The following ABI3BP variants were observed in gnomAD, a reference collection of about 807,000 sequenced individuals.
ABI3BP encodes the protein target of Nesh-SH3.
Under a neutral mutation model 268.6 loss-of-function variants are expected in ABI3BP, and 216 were observed. The ratio of observed to expected loss-of-function variants is 0.80; its 90% CI spans 0.72 to 0.90. The LOEUF is 0.90. Ranked by LOEUF, ABI3BP falls within the 40% of genes least tolerant of loss-of-function variation. ABI3BP has a pLI of 0.00. For missense variants in ABI3BP, 2,090 were observed against 2,182.4 expected (o/e 0.96, Z 0.84); for synonymous variants, 730 against 730.0 (o/e 1.00, Z 0.00).
chr3:100,838,511 CTGTCAAAATTA>C, intron 24 of ABI3BP, 47 bp from the exon 25 acceptor site: 1 of 1,422,928 alleles, frequency 7.0e-7, no homozygotes, highest in Non-Finnish European at 9.6e-7. Flanking sequence ...ATGGCTGTGA[CTGTCAAAATTA>C]AGGACAATTA....
At chr3:100,889,840 T>A (rs2043697488) in intron 4 of ABI3BP, among the ~76,000 whole-genome samples, 1 of 152,080 alleles carries the variant, frequency 6.6e-6, no homozygotes, top group African/African-American at 2.4e-5. Context: ...GAAAGGCAGG[T>A]AGTAGCTTGA....
chr3:100,891,970 A>C (rs2044903994), intron 4 of ABI3BP, among the ~76,000 whole-genome samples: 1 of 152,182 alleles, frequency 6.6e-6, no homozygotes, highest in African/African-American at 2.4e-5. Flanking sequence ...GAAGCTGAGA[A>C]ATGGACACGC....
At chr3:100,898,095 T>C (rs894073691) in intron 4 of ABI3BP, among the ~76,000 whole-genome samples, 1 of 152,226 alleles carries the variant, frequency 6.6e-6, no homozygotes, top group Non-Finnish European at 1.5e-5. Flanking sequence ...TTTAAAAATA[T>C]ACTTAGATTT....
At chr3:100,765,065 A>G (rs1172194460) in intron 63 of ABI3BP, among the ~76,000 whole-genome samples, 1 of 151,674 alleles carries the variant, frequency 6.6e-6, no homozygotes, top group Non-Finnish European at 1.5e-5. Flanking sequence ...ACTATCAATA[A>G]CTAATTCAAT....
At chr3:100,783,824 G>T (rs889155078) in intron 57 of ABI3BP, among the ~76,000 whole-genome samples, 1 of 152,172 alleles carries the variant, frequency 6.6e-6, no homozygotes, top group Non-Finnish European at 1.5e-5. Context: ...ACAGAAACAG[G>T]CAGTGAGCCA....
In ABI3BP at chr3:100,825,863, CA is replaced by C; in HGVS notation, c.2603-20del. 6.6e-7 allele frequency: 1 copy of C among 1,516,206 alleles called. No homozygotes were observed. Among genetic ancestry groups the C allele is most frequent in the Non-Finnish European group, 8.9e-7 (1 of 1,129,024 alleles). 93.9% of individuals were successfully genotyped at this position (1,516,206 alleles called of 1,614,324 possible). A position where few individuals can be genotyped will look rare whatever the true frequency, so the allele number is the denominator to read the frequency against. On this transcript the variant is annotated intron_variant, in intron 34 of 67. Coordinates refer to ENST00000471714, the MANE Select transcript of ABI3BP (RefSeq NM_001375547.2). ...ACAGGAACTGAAGTAATAAGATAAA[CA>C]AAAGAGATGGTAAAAAATGTGTGGG... is the stretch of plus-strand genomic sequence containing the variant.
intron 6 of ABI3BP, among the ~76,000 whole-genome samples, chr3:100,878,225 A>G (rs1270175830): frequency 6.6e-6 from 1 of 152,226 alleles, no homozygotes; most frequent in Non-Finnish European, 1.5e-5. Context: ...CAGAATATAA[A>G]TAAGTACCAA....
rs191960195 is a variant in ABI3BP at position 100,876,556 on chromosome 3, G to A, written c.701C>T (p.Ala234Val). 281 of 1,613,076 alleles carry A rather than the reference G, an allele frequency of 1.7e-4. No individual in the cohort carries two copies. The highest frequency in any genetic ancestry group is 2.3e-4 in the Non-Finnish European group (277 of 1,179,400). The change falls in exon 7 of 68, where the codon GCA (alanine) becomes GTA (valine). Residue 234 changes from alanine to valine, a missense_variant. Coordinates refer to ENST00000471714, the MANE Select transcript of ABI3BP (RefSeq NM_001375547.2). ...TGGGATTAGTTTCCTTGGGACATAT[G>A]CTGGCTGCAAAGAGAAGAAGAAAGT... Reference protein sequence around the residue: ...STYDQDHTVPAYVPRKLIPIT... With the variant: ...STYDQDHTVPVYVPRKLIPIT...
In ABI3BP at chr3:100,804,781, A is replaced by C; in HGVS notation, c.3757+11T>G. 6.2e-7 allele frequency: 1 copy of C among 1,611,886 alleles called. No individual in the cohort carries two copies. The highest frequency in any genetic ancestry group is 8.5e-7 in the Non-Finnish European group (1 of 1,178,168). On this transcript the variant is annotated intron_variant, in intron 51 of 67. Transcript: ENST00000471714. ...AATGCATTTGGCTTAAACATGAAATAAAGCATTTACCAGGTGTGGTGTATG... is the reference window on the plus strand; with the variant it reads ...AATGCATTTGGCTTAAACATGAAATCAAGCATTTACCAGGTGTGGTGTATG...
chr3:100,790,568 T>C (rs2097171792), intron 55 of ABI3BP, among the ~76,000 whole-genome samples: 1 of 152,016 alleles, frequency 6.6e-6, no homozygotes, highest in Non-Finnish European at 1.5e-5. Flanking sequence ...AAGACTGTGA[T>C]GAGCAGAATT....
intron 43 of ABI3BP, 130 bp from the exon 44 acceptor site, chr3:100,816,101 A>C: frequency 1.5e-6 from 1 of 674,106 alleles, no homozygotes; most frequent in Non-Finnish European, 2.4e-6. Flanking sequence ...GATAGGCAGC[A>C]TATAGTTGCT....
At chr3:100,962,445 G>A (rs1342241864) in intron 1 of ABI3BP, among the ~76,000 whole-genome samples, 1 of 151,586 alleles carries the variant, frequency 6.6e-6, no homozygotes, top group Admixed American at 6.6e-5. Flanking sequence ...CTCAAATCTC[G>A]CTTATCTTAA....
chr3:100,867,537 A>T (rs955903806), intron 9 of ABI3BP, among the ~76,000 whole-genome samples: 4 of 144,920 alleles, frequency 2.8e-5, no homozygotes, highest in Non-Finnish European at 6.0e-5. Flanking sequence ...GCTACTCTGG[A>T]GGCTGAGGCA....
intron 51 of ABI3BP, among the ~76,000 whole-genome samples, chr3:100,797,458 T>G (rs894379988): frequency 4.6e-5 from 7 of 151,920 alleles, no homozygotes; most frequent in Non-Finnish European, 7.4e-5. Flanking sequence ...TACACACCAG[T>G]GTCTTTTTGT....
chr3:100,871,473 A>G (rs922154618), intron 9 of ABI3BP, among the ~76,000 whole-genome samples: 5 of 152,196 alleles, frequency 3.3e-5, no homozygotes, highest in Non-Finnish European at 7.3e-5. Flanking sequence ...CTCATCTTGA[A>G]TTCCCACATG....
intron 6 of ABI3BP, among the ~76,000 whole-genome samples, chr3:100,883,137 G>A (rs1377605782): frequency 1.3e-5 from 2 of 151,964 alleles, no homozygotes; most frequent in South Asian, 2.1e-4. Flanking sequence ...AATCAATATA[G>A]AACCTTACTA....
At chr3:100,849,252 A>T (rs2098811523) in intron 17 of ABI3BP, among the ~76,000 whole-genome samples, 1 of 137,810 alleles carries the variant, frequency 7.3e-6, no homozygotes, top group South Asian at 2.3e-4. Flanking sequence ...TTGGAGACAG[A>T]GTCTCACTCT....
At chr3:100,815,861 G>T in intron 44 of ABI3BP, 51 bp downstream of exon 44, 2 of 1,390,624 alleles carry the variant, frequency 1.4e-6, no homozygotes, top group Non-Finnish European at 1.9e-6. Context: ...GCTCAAGTGC[G>T]TTTTTAAATG....
intron 14 of ABI3BP, among the ~76,000 whole-genome samples, chr3:100,858,110 A>G (rs1406222052): frequency 3.3e-5 from 5 of 152,224 alleles, no homozygotes; most frequent in Admixed American, 2.6e-4. Flanking sequence ...ACAAGCAGTT[A>G]AGTTCTAAAG....
Sources: gnomAD v4.1 joint callset for allele counts (sites outside exome capture counted in the v4.1 genomes callset) on GRCh38, gnomAD v4.1.1 for gene constraint, MANE v1.5 for transcripts, NCBI Gene and HGNC (gene_info 2026-07-23, HGNC 2026-07-21) for gene names.